Variants in ZNF335 observed in about 807,000 individuals in gnomAD.
ZNF335 encodes the protein zinc finger protein 335.
ZNF335 carries 84 observed loss-of-function variants against 145.6 expected under a neutral mutation model. That is an observed-to-expected ratio of 0.58 (90% CI 0.48 to 0.69). The LOEUF is 0.69. Among genes scored for constraint, ZNF335 ranks in the 30% least tolerant of loss-of-function variants. ZNF335 has a pLI of 0.00. For synonymous variants in ZNF335, 761 were observed against 717.0 expected, an observed-to-expected ratio of 1.06 and a Z score of -0.98; for missense variants, 1,865 against 1,809.7, an observed-to-expected ratio of 1.03 and a Z score of -0.55.
chr20:45,971,858 G>C, intron 1 of ZNF335: 3 of 985,314 alleles, frequency 3.0e-6, no homozygotes, highest in Non-Finnish European at 3.6e-6. Flanking sequence ...CGGTTCCCCT[G>C]CGGAGGCGGC....
Position 45,971,288 on chromosome 20 carries a change from G to A in ZNF335, c.123C>T (p.Asp41=). ...TSEAVSADSS[D]AAAAPGQAEA... ...CTGCCTGCCCCGGGGCGGCCGCGGC[G>A]TCGCTGCTGTCGGCGGACACGGCTT... Residue 41 remains aspartate (D), a synonymous_variant, in exon 2 of 28, where the codon GAC becomes GAT. Transcript: ENST00000322927. 6.3e-7 allele frequency: 1 copy of A among 1,584,868 alleles called. No homozygotes were observed. The highest frequency in any genetic ancestry group is 8.5e-7 in the Non-Finnish European group (1 of 1,172,102).
Position 45,971,435 on chromosome 20 carries a change from G to A in ZNF335, c.-25C>T. On this transcript the variant is annotated 5_prime_UTR_variant, in exon 2 of 28. Transcript: ENST00000322927. ...TCTGATCGGCGGGCTGCCTGACAGC[G>A]GGGCGTAGGGTCTGGGAACTTCACT... The A allele has an allele frequency of 6.3e-7, 1 of 1,597,270 alleles. No homozygotes were observed. The highest frequency in any genetic ancestry group is 8.5e-7 in the Non-Finnish European group (1 of 1,179,018).
rs2083596735 is a variant in ZNF335 at position 45,949,882 on chromosome 20, C to T, written c.3592-5G>A. On this transcript the variant is annotated splice_polypyrimidine_tract_variant and splice_region_variant and intron_variant, in intron 23 of 27. Transcript: ENST00000322927. ...TTGGATGTAGGCGGCTTCCTCCTGC[C>T]AGGACCAAGACAGCTCTAGCCTCAT... 9.3e-6 allele frequency: 15 copies of T among 1,614,030 alleles called. No homozygotes were observed. Among genetic ancestry groups the T allele is most frequent in the Admixed American group, 1.7e-5 (1 of 60,000 alleles).
At chr20:45,955,371 G>C (rs1243130313) in intron 17 of ZNF335, among the ~76,000 whole-genome samples, 1 of 48,538 alleles carries the variant, frequency 2.1e-5, no homozygotes, top group African/African-American at 7.1e-5. Context: ...AAAAAAAAAA[G>C]ATTTATAAAG....
chr20:45,949,775 G>T, intron 24 of ZNF335, 25 bp downstream of exon 24: 3 of 1,613,316 alleles, frequency 1.9e-6, no homozygotes, highest in African/African-American at 1.3e-5. Context: ...ACAGCTGAGG[G>T]GATTAACAGT....
At chr20:45,968,440 TG>T in intron 3 of ZNF335, 78 bp from the exon 4 acceptor site, 1 of 1,406,668 alleles carries the variant, frequency 7.1e-7, no homozygotes, top group Non-Finnish European at 1.0e-6. Flanking sequence ...GGCCCCACTT[TG>T]GCCTGTGAGC....
Position 45,957,818 on chromosome 20 carries a change from C to T in ZNF335, c.2347+17G>A. The T allele has an allele frequency of 1.2e-6, 2 of 1,612,718 alleles. No individual in the cohort carries two copies. Among genetic ancestry groups the T allele is most frequent in the Non-Finnish European group, 8.5e-7 (1 of 1,178,892 alleles). On this transcript the variant is annotated intron_variant, in intron 16 of 27. Coordinates refer to ENST00000322927, the MANE Select transcript of ZNF335 (RefSeq NM_022095.4). ...GGTCCTACCCTCCATGAGCTCCTAT[C>T]CTCCTACAGAGCTCACCTTGCTGGT...
In ZNF335 at chr20:45,949,854, C is replaced by A. The variant is rs762041809; in HGVS notation, c.3615G>T (p.Glu1205Asp). 1 of 1,614,096 alleles carries A rather than the reference C, an allele frequency of 6.2e-7. No homozygotes were observed. Among genetic ancestry groups the A allele is most frequent in the East Asian group, 2.2e-5 (1 of 44,870 alleles). ...CGGTCTGGCCATCTGCCGTGGTGATCTCTTGGATGTAGGCGGCTTCCTCCT... is the reference window on the plus strand; with the variant it reads ...CGGTCTGGCCATCTGCCGTGGTGATATCTTGGATGTAGGCGGCTTCCTCCT... ...TNQEEAAYIQ[E>D]ITTADGQTVQ... The change falls in exon 24 of 28, where the codon GAG becomes GAT. Residue 1205 changes from glutamate (E) to aspartate (D), a missense_variant. Glu to Asp is a conservative substitution (Grantham distance 45). Coordinates refer to ENST00000322927, the MANE Select transcript of ZNF335 (RefSeq NM_022095.4).
At chr20:45,953,618 G>A in intron 18 of ZNF335, 71 bp downstream of exon 18, 1 of 1,579,234 alleles carries the variant, frequency 6.3e-7, no homozygotes, top group Non-Finnish European at 8.6e-7. Flanking sequence ...AGGCTTGGGT[G>A]GGGCCCAAAT....
chr20:45,969,796 T>C (rs765209122), intron 2 of ZNF335, 105 bp from the exon 3 acceptor site: 34 of 1,488,292 alleles, frequency 2.3e-5, no homozygotes, highest in Non-Finnish European at 3.1e-5. Flanking sequence ...CCCAAGGACA[T>C]GGTCAGTGGA....
chr20:45,951,736 G>T (rs1568806290), intron 20 of ZNF335, among the ~76,000 whole-genome samples: 1 of 152,202 alleles, frequency 6.6e-6, no homozygotes. Context: ...GGCCATGGAT[G>T]ACTACCAGTC....
At chr20:45,962,203 T>C (rs755394880) in intron 9 of ZNF335, 21 bp from the exon 10 acceptor site, 1 of 1,603,594 alleles carries the variant, frequency 6.2e-7, no homozygotes, top group South Asian at 1.1e-5. Context: ...GACAAAAGGA[T>C]GGTGGGCTGG....
At chr20:45,971,987 C>A in intron 1 of ZNF335, 135 bp downstream of exon 1, 1 of 1,173,234 alleles carries the variant, frequency 8.5e-7, no homozygotes, top group South Asian at 1.6e-5. Context: ...GCGAGAGCGA[C>A]TAAAGGGCCT....
chr20:45,967,876 AC>A lies in ZNF335; in HGVS notation c.671del (p.Gly224ValfsTer13). 6.2e-7 allele frequency: 1 copy of A among 1,612,746 alleles called. No homozygotes were observed. Among genetic ancestry groups the A allele is most frequent in the Non-Finnish European group, 8.5e-7 (1 of 1,179,668 alleles). ...GGCTCTGCAGGTCCGGCTCTTCGGC[AC>A]CGGAGGCTGGGGGCAGCTGCACCGG... ...SSPVQLPPASGAEEPDLQSLE... is the reference protein window; with the variant it reads ...SSPVQLPPASXAEEPDLQSLE... On this transcript the variant is annotated frameshift_variant, in exon 5 of 28. Transcript: ENST00000322927. LOFTEE classifies it high-confidence loss of function.
chr20:45,964,220 C>T lies in ZNF335; in HGVS notation c.1103-230G>A, dbSNP rs183747426. On this transcript the variant is annotated intron_variant, in intron 7 of 27. Transcript: ENST00000322927. ...TAGGACCTGGCCTGGATTAGAGCAA[C>T]GGCGAGAGCTGGGACCTCCCAGTCA... 47 of 452,564 alleles carry T rather than the reference C, an allele frequency of 1.0e-4. No homozygotes were observed. In the Admixed American group the frequency reaches 1.3e-3, roughly 13 times the overall value. 28.0% of individuals were successfully genotyped at this position (452,564 alleles called of 1,614,324 possible).
chr20:45,957,743 TC>T (rs1176475020), intron 16 of ZNF335, 63 bp from the exon 17 acceptor site: 17 of 1,578,384 alleles, frequency 1.1e-5, no homozygotes, highest in Non-Finnish European at 2.6e-6. Flanking sequence ...TACCACCCCC[TC>T]CCCATCTTCC....
chr20:45,971,170 G>A (rs903236878), intron 2 of ZNF335, 40 bp downstream of exon 2: 6 of 1,477,192 alleles, frequency 4.1e-6, no homozygotes, highest in Non-Finnish European at 5.4e-6. Flanking sequence ...TGCTGCTCGC[G>A]GTCCTTGCCT....
chr20:45,949,182 A>T lies in ZNF335; in HGVS notation c.3889T>A (p.Ser1297Thr), dbSNP rs758044721. 2.8e-5 allele frequency: 45 copies of T among 1,613,582 alleles called. No homozygotes were observed. The highest frequency in any genetic ancestry group is 3.6e-5 in the Non-Finnish European group (43 of 1,179,982). ...TQAQLEAAAHSAVTAVADAAM... is the reference protein window; with the variant it reads ...TQAQLEAAAHTAVTAVADAAM... ...TCCAGCTCCATACCTGTGACAGCTGAGTGTGCTGCAGCCTCAAGTTGAGCC... is the reference window on the plus strand; with the variant it reads ...TCCAGCTCCATACCTGTGACAGCTGTGTGTGCTGCAGCCTCAAGTTGAGCC... Residue 1297 changes from serine (S) to threonine (T), a missense_variant, in exon 27 of 28, where the codon TCA (serine) becomes ACA (threonine). Ser to Thr is a moderately conservative substitution (Grantham distance 58). Transcript: ENST00000322927.
chr20:45,950,088 A>C lies in ZNF335; in HGVS notation c.3488-19T>G. On this transcript the variant is annotated intron_variant, in intron 22 of 27. Coordinates refer to ENST00000322927, the MANE Select transcript of ZNF335 (RefSeq NM_022095.4). ...AGTGCAGCTGGGCAGAGAGGAGAGG[A>C]TGCTCACCTGGGGTCCAGGAAAACC... The C allele has an allele frequency of 6.2e-7, 1 of 1,612,602 alleles. No homozygotes were observed. The highest frequency in any genetic ancestry group is 1.3e-5 in the African/African-American group (1 of 74,998).
Sources: allele counts gnomAD v4.1 joint callset (sites outside exome capture counted in the v4.1 genomes callset), GRCh38; gene constraint gnomAD v4.1.1; transcripts MANE v1.5; gene names NCBI Gene and HGNC (gene_info 2026-07-23, HGNC 2026-07-21).